Variants in MNAT1 observed in about 807,000 individuals in gnomAD.
MNAT1 encodes CDK-activating kinase assembly factor MAT1.
MNAT1 carries 43 observed loss-of-function variants against 42.0 expected under a neutral mutation model. The ratio of observed to expected loss-of-function variants is 1.02; its 90% CI spans 0.80 to 1.32. The LOEUF is 1.32. MNAT1 is among the 40% of genes most tolerant of loss of function. The probability of loss-of-function intolerance (pLI) is 0.00; values close to 1 mark genes in which losing one functional copy is unlikely to be tolerated. For synonymous variants in MNAT1, 118 were observed against 120.0 expected, an observed-to-expected ratio of 0.98 and a Z score of 0.11; for missense variants, 306 against 350.4, an observed-to-expected ratio of 0.87 and a Z score of 1.01.
At chr14:60,735,965 C>A (rs1896294494) in intron 1 of MNAT1, among the ~76,000 whole-genome samples, 1 of 152,156 alleles carries the variant, frequency 6.6e-6, no homozygotes, top group Non-Finnish European at 1.5e-5. Flanking sequence ...CAAGTGCTGA[C>A]AAAAATGTAG....
rs560573139 is a variant in MNAT1, at chr14:60,932,569, A to G, written c.810-35660A>G. ...GTTTTTTTCTTTTCTTTATTCTTTA[A>G]ATGTTAGATAGATTTTAGTTTACCA... On this transcript the variant is annotated intron_variant, in intron 7 of 7. Coordinates refer to ENST00000261245, the MANE Select transcript of MNAT1 (RefSeq NM_002431.4). 1.3e-5 allele frequency among the ~76,000 whole-genome samples: 2 copies of G among 151,782 alleles called. 1 individual carries two copies. The highest frequency in any genetic ancestry group is 4.8e-5 in the African/African-American group (2 of 41,514).
At chr14:60,769,101 T>C (rs1247596035) in intron 1 of MNAT1, among the ~76,000 whole-genome samples, 1 of 152,144 alleles carries the variant, frequency 6.6e-6, no homozygotes, top group Non-Finnish European at 1.5e-5. Context: ...CCCTCTATCT[T>C]TTTTCTATTA....
chr14:60,750,568 A>G (rs1298272632), intron 1 of MNAT1, among the ~76,000 whole-genome samples: 1 of 149,832 alleles, frequency 6.7e-6, no homozygotes, highest in East Asian at 1.9e-4. Flanking sequence ...AAGGAGGAAA[A>G]GGAAAGTTTA....
intron 7 of MNAT1, among the ~76,000 whole-genome samples, chr14:60,924,299 C>A (rs928253355): frequency 6.7e-6 from 1 of 148,220 alleles, no homozygotes; most frequent in Non-Finnish European, 1.5e-5. Context: ...ATGTCACATA[C>A]ATGTAAAGTT....
At chr14:60,877,311 G>C (rs1457638085) in intron 6 of MNAT1, among the ~76,000 whole-genome samples, 1 of 152,014 alleles carries the variant, frequency 6.6e-6, no homozygotes, top group Non-Finnish European at 1.5e-5. Context: ...TACAGTGTCA[G>C]AGGTGCCTAT....
At chr14:60,924,725 A>G (rs2035731293) in intron 7 of MNAT1, among the ~76,000 whole-genome samples, 1 of 152,194 alleles carries the variant, frequency 6.6e-6, no homozygotes, top group Non-Finnish European at 1.5e-5. Flanking sequence ...GGTGTCCAAC[A>G]TTGGGGATGT....
At chr14:60,939,790 TA>T (rs1161964015) in intron 7 of MNAT1, among the ~76,000 whole-genome samples, 1 of 152,208 alleles carries the variant, frequency 6.6e-6, no homozygotes, top group Non-Finnish European at 1.5e-5. Flanking sequence ...AGAGCCTTGT[TA>T]ACTTTCTGTC....
At position 60,889,738 on chromosome 14, in the gene MNAT1, C is replaced by G. The variant is rs1435466489; in HGVS notation, c.809+9903C>G. Among the ~76,000 whole-genome samples the G allele has an allele frequency of 4.6e-5, 7 of 152,264 alleles. No homozygotes were observed. In the East Asian group the frequency reaches 1.2e-3, roughly 25 times the overall value. Reference sequence around the variant, plus strand: ...GCTAATATCCAGAATCTACAATGAACTCAAACAAATTTGCAAGAAAAAACA... The same window carrying G: ...GCTAATATCCAGAATCTACAATGAAGTCAAACAAATTTGCAAGAAAAAACA... On this transcript the variant is annotated intron_variant, in intron 7 of 7. Transcript: ENST00000261245.
At chr14:60,946,888 A>C (rs1238837518) in intron 7 of MNAT1, among the ~76,000 whole-genome samples, 1 of 152,188 alleles carries the variant, frequency 6.6e-6, no homozygotes, top group African/African-American at 2.4e-5. Context: ...ATTTCTCATA[A>C]TTCTGGAGGC....
At chr14:60,939,819 G>A (rs895114302) in intron 7 of MNAT1, among the ~76,000 whole-genome samples, 5 of 152,144 alleles carry the variant, frequency 3.3e-5, no homozygotes, top group African/African-American at 4.8e-5. Context: ...TCTGTCTAAC[G>A]TTGAGAGTGG....
intron 7 of MNAT1, among the ~76,000 whole-genome samples, chr14:60,945,910 T>C (rs1187497511): frequency 1.3e-5 from 2 of 152,156 alleles, no homozygotes; most frequent in African/African-American, 4.8e-5. Context: ...CAACTAACTT[T>C]TCAACATGCT....
At chr14:60,801,261 A>C (rs946890525) in intron 3 of MNAT1, among the ~76,000 whole-genome samples, 17 of 152,096 alleles carry the variant, frequency 1.1e-4, no homozygotes, top group African/African-American at 4.1e-4. Flanking sequence ...TGGGTAAAAC[A>C]TGAGGGATGA....
intron 1 of MNAT1, among the ~76,000 whole-genome samples, chr14:60,744,324 G>T (rs1285554774): frequency 1.3e-5 from 2 of 152,062 alleles, no homozygotes; most frequent in African/African-American, 2.4e-5. Flanking sequence ...TAGAGATGGG[G>T]TTTTGCCCTG....
intron 6 of MNAT1, among the ~76,000 whole-genome samples, chr14:60,864,212 C>G (rs887507473): frequency 9.9e-5 from 15 of 151,346 alleles, no homozygotes; most frequent in African/African-American, 3.6e-4. Flanking sequence ...TTAAAAAGTA[C>G]TTATATACTA....
intron 1 of MNAT1, among the ~76,000 whole-genome samples, chr14:60,793,903 T>C (rs990845318): frequency 1.3e-5 from 2 of 152,082 alleles, no homozygotes; most frequent in Non-Finnish European, 2.9e-5. Context: ...AAATGTTACG[T>C]AGGAAAATAA....
chr14:60,741,035 G>A (rs1460745917), intron 1 of MNAT1, among the ~76,000 whole-genome samples: 4 of 152,072 alleles, frequency 2.6e-5, no homozygotes, highest in Admixed American at 1.3e-4. Context: ...GAACTCTCTT[G>A]TTGGGTACAT....
intron 5 of MNAT1, among the ~76,000 whole-genome samples, chr14:60,814,503 G>A (rs2032651330): frequency 6.6e-6 from 1 of 151,918 alleles, no homozygotes; most frequent in Non-Finnish European, 1.5e-5. Context: ...TGTGTATGCA[G>A]TGTTAATACA....
In MNAT1 at chr14:60,951,763, A is replaced by AT. The variant is rs958246813; in HGVS notation, c.810-16456dup. 1.7e-4 allele frequency among the ~76,000 whole-genome samples: 25 copies of AT among 148,758 alleles called. No individual in the cohort carries two copies. In the East Asian group the frequency reaches 4.6e-3, roughly 27 times the overall value. On this transcript the variant is annotated intron_variant, in intron 7 of 7. Coordinates refer to ENST00000261245, the MANE Select transcript of MNAT1 (RefSeq NM_002431.4). Reference sequence around the variant, plus strand: ...TCTTTTATAAGTGAGGTTCATTTAAATTTTTTTTTTCCATTTTACTGTGAA... The same window carrying AT: ...TCTTTTATAAGTGAGGTTCATTTAAATTTTTTTTTTTCCATTTTACTGTGAA...
intron 7 of MNAT1, among the ~76,000 whole-genome samples, chr14:60,885,178 C>T (rs916511310): frequency 6.6e-6 from 1 of 151,622 alleles, no homozygotes; most frequent in African/African-American, 2.4e-5. Context: ...GTTGAATCTG[C>T]TTGGTGTTCT....
Sources: gnomAD v4.1 joint callset for allele counts (sites outside exome capture counted in the v4.1 genomes callset) on GRCh38, gnomAD v4.1.1 for gene constraint, MANE v1.5 for transcripts, NCBI Gene and HGNC (gene_info 2026-07-23, HGNC 2026-07-21) for gene names.